The following WWOX variants were observed in gnomAD, a reference collection of about 807,000 sequenced individuals.
WWOX encodes WW domain-containing oxidoreductase.
Under a neutral mutation model 46.2 loss-of-function variants are expected in WWOX, and 69 were observed. That is an observed-to-expected ratio of 1.49 (90% CI 1.23 to 1.82). The LOEUF (loss-of-function observed/expected upper bound fraction) is 1.82, where lower values mean the gene tolerates loss of function less well. Among genes scored for constraint, WWOX ranks in the 40% most tolerant of loss-of-function variants. The pLI, the probability that WWOX is intolerant of heterozygous loss-of-function variation, is 0.00. For missense variants in WWOX, 919 were observed against 542.6 expected (o/e 1.69, Z -6.89); for synonymous variants, 359 against 202.6 (o/e 1.77, Z -6.56).
At chr16:78,489,506 A>C (rs2084725941) in intron 8 of WWOX, among the ~76,000 whole-genome samples, 1 of 152,084 alleles carries the variant, frequency 6.6e-6, no homozygotes, top group Non-Finnish European at 1.5e-5. Context: ...TCCCAGTGAG[A>C]CTTCAGTTTT....
intron 8 of WWOX, among the ~76,000 whole-genome samples, chr16:79,194,307 C>T (rs1242221124): frequency 6.6e-6 from 1 of 152,148 alleles, no homozygotes; most frequent in African/African-American, 2.4e-5. Context: ...TTTGAGCATT[C>T]ATTCATTCAT....
At chr16:79,154,550 A>C (rs2050343868) in intron 8 of WWOX, among the ~76,000 whole-genome samples, 1 of 150,650 alleles carries the variant, frequency 6.6e-6, no homozygotes, top group Non-Finnish European at 1.5e-5. Flanking sequence ...GGATATAGCC[A>C]CTCTTTTCTG....
Position 78,444,809 on chromosome 16 carries a change from C to T in WWOX, c.1056+12057C>T, listed in dbSNP as rs539883709. ...CCTCCCAAAGTGCTGGAATTACAGG[C>T]GTGAGCCACCGCACCCGGCCTATGA... On this transcript the variant is annotated intron_variant, in intron 8 of 8. Coordinates refer to ENST00000566780, the MANE Select transcript of WWOX (RefSeq NM_016373.4). Among the ~76,000 whole-genome samples the T allele has an allele frequency of 2.2e-3, 337 of 152,160 alleles. 3 individuals are homozygous for T. The highest frequency in any genetic ancestry group is 7.6e-3 in the African/African-American group (317 of 41,518).
At chr16:78,376,391 T>C (rs2081826497) in intron 5 of WWOX, among the ~76,000 whole-genome samples, 1 of 152,210 alleles carries the variant, frequency 6.6e-6, no homozygotes, top group South Asian at 2.1e-4. Flanking sequence ...AAATATACTC[T>C]GGAAGGATTT....
Position 78,697,640 on chromosome 16 carries a change from C to T in WWOX, c.1056+264888C>T, listed in dbSNP as rs77925247. ...AGAAGATACACAAATGACCACCATA[C>T]GTGAAAAAATGCTCAACATCACTAA... On this transcript the variant is annotated intron_variant, in intron 8 of 8. Transcript: ENST00000566780. 4.7e-3 allele frequency among the ~76,000 whole-genome samples: 717 copies of T among 152,174 alleles called. 2 individuals carry two copies. Among genetic ancestry groups the T allele is most frequent in the Middle Eastern group, 0.017 (5 of 294 alleles).
chr16:78,849,684 T>G (rs1372553047), intron 8 of WWOX, among the ~76,000 whole-genome samples: 1 of 152,130 alleles, frequency 6.6e-6, no homozygotes, highest in African/African-American at 2.4e-5. Context: ...GTATGGTTGT[T>G]TCCCTCCCTA....
intron 8 of WWOX, among the ~76,000 whole-genome samples, chr16:79,188,081 TG>T (rs371829769): frequency 3.4e-4 from 52 of 152,332 alleles, no homozygotes; most frequent in African/African-American, 1.2e-3. Context: ...GGTTGCTAAT[TG>T]TGGGCAGTAC....
At chr16:79,172,983 T>G (rs1002864413) in intron 8 of WWOX, among the ~76,000 whole-genome samples, 1 of 152,212 alleles carries the variant, frequency 6.6e-6, no homozygotes, top group African/African-American at 2.4e-5. Context: ...ATGGTGCCAC[T>G]GCACTCCAGG....
At chr16:79,202,963 C>T (rs948003765) in intron 8 of WWOX, 1 of 152,106 alleles carries the variant, frequency 6.6e-6, no homozygotes, top group Non-Finnish European at 1.5e-5. Flanking sequence ...ACTTTCTATG[C>T]TAAGGTGTTG....
chr16:78,825,397 C>T, intron 8 of WWOX: 1 of 270,616 alleles, frequency 3.7e-6, no homozygotes, highest in Non-Finnish European at 7.6e-6. Flanking sequence ...AGCTCAGGTT[C>T]AAGTTACACC....
chr16:78,134,470 A>T (rs1166640370), intron 4 of WWOX, among the ~76,000 whole-genome samples: 1 of 152,080 alleles, frequency 6.6e-6, no homozygotes, highest in East Asian at 1.9e-4. Flanking sequence ...TTATTATGAC[A>T]ATTGGTATGA....
At chr16:78,504,428 T>C (rs1312020284) in intron 8 of WWOX, among the ~76,000 whole-genome samples, 2 of 152,194 alleles carry the variant, frequency 1.3e-5, no homozygotes, top group Non-Finnish European at 2.9e-5. Context: ...TCAGAATGCG[T>C]TTGTCTATCT....
At chr16:78,173,725 T>C (rs2035239857) in intron 5 of WWOX, among the ~76,000 whole-genome samples, 4 of 152,198 alleles carry the variant, frequency 2.6e-5, no homozygotes, top group Admixed American at 2.6e-4. Flanking sequence ...TGCAGATCTG[T>C]AAAATATACT....
intron 8 of WWOX, among the ~76,000 whole-genome samples, chr16:78,996,949 G>A (rs1315145345): frequency 1.3e-5 from 2 of 152,218 alleles, no homozygotes; most frequent in Admixed American, 6.5e-5. Context: ...CCTCTCCCGC[G>A]CCTGGGAGGG....
intron 8 of WWOX, among the ~76,000 whole-genome samples, chr16:79,086,625 A>G (rs2048858982): frequency 6.6e-6 from 1 of 152,158 alleles, no homozygotes; most frequent in Non-Finnish European, 1.5e-5. Flanking sequence ...TCATGCCTGT[A>G]ATTCCAACAC....
At chr16:79,058,623 T>C (rs922593222) in intron 8 of WWOX, among the ~76,000 whole-genome samples, 1 of 152,210 alleles carries the variant, frequency 6.6e-6, no homozygotes, top group African/African-American at 2.4e-5. Context: ...GCCTAATCCC[T>C]GGAAGGAAAA....
chr16:78,714,064 A>T (rs1001091237), intron 8 of WWOX, among the ~76,000 whole-genome samples: 3 of 152,214 alleles, frequency 2.0e-5, no homozygotes, highest in African/African-American at 7.2e-5. Flanking sequence ...ATGATGACTT[A>T]AAGAGACTGA....
intron 8 of WWOX, among the ~76,000 whole-genome samples, chr16:78,820,666 C>G (rs1765291393): frequency 6.6e-6 from 1 of 152,146 alleles, no homozygotes; most frequent in Non-Finnish European, 1.5e-5. Flanking sequence ...TAATACCAAC[C>G]ATGCCACGTG....
chr16:79,142,204 T>A (rs1567578472), intron 8 of WWOX, among the ~76,000 whole-genome samples: 1 of 152,168 alleles, frequency 6.6e-6, no homozygotes, highest in Non-Finnish European at 1.5e-5. Flanking sequence ...CAAGCAGACA[T>A]GGCCATAGTG....
Sources: allele counts gnomAD v4.1 joint callset (sites outside exome capture counted in the v4.1 genomes callset), GRCh38; gene constraint gnomAD v4.1.1; transcripts MANE v1.5; gene names NCBI Gene and HGNC (gene_info 2026-07-23, HGNC 2026-07-21).